Variants in IGSF11 observed in about 807,000 individuals in gnomAD.
IGSF11 encodes immunoglobulin superfamily member 11.
Under a neutral mutation model 41.0 loss-of-function variants are expected in IGSF11, and 22 were observed. The ratio of observed to expected loss-of-function variants is 0.54; its 90% CI spans 0.38 to 0.77. IGSF11 has a LOEUF of 0.77. Among genes scored for constraint, IGSF11 ranks in the 30% least tolerant of loss-of-function variants. The pLI, the probability that IGSF11 is intolerant of heterozygous loss-of-function variation, is 0.00. For synonymous variants in IGSF11, 219 were observed against 201.3 expected (o/e 1.09, Z -0.74); for missense variants, 444 against 530.8 (o/e 0.84, Z 1.61).
chr3:119,046,084 C>A (rs1054462457), intron 1 of IGSF11, among the ~76,000 whole-genome samples: 35 of 151,292 alleles, frequency 2.3e-4, no homozygotes, highest in Non-Finnish European at 4.9e-4. Context: ...AAAATCAGAG[C>A]GCCTCTCCAC....
intron 1 of IGSF11, among the ~76,000 whole-genome samples, chr3:118,978,113 C>T (rs1934322198): frequency 6.6e-6 from 1 of 152,190 alleles, no homozygotes; most frequent in Admixed American, 6.5e-5. Flanking sequence ...ATAGCAGGTC[C>T]ACAACACAGA....
chr3:118,967,215 GGAGA>G (rs1381390333), intron 1 of IGSF11, among the ~76,000 whole-genome samples: 2 of 151,930 alleles, frequency 1.3e-5, no homozygotes, highest in Non-Finnish European at 2.9e-5. Flanking sequence ...ACATATGTAT[GGAGA>G]GAGATATATA....
At chr3:119,076,043 G>T (rs2076492059) in intron 1 of IGSF11, among the ~76,000 whole-genome samples, 1 of 152,122 alleles carries the variant, frequency 6.6e-6, no homozygotes, top group Admixed American at 6.6e-5. Flanking sequence ...AAACAGCATG[G>T]TACTGGTACC....
At chr3:119,038,851 T>C (rs1941008291), upstream of IGSF11, among the ~76,000 whole-genome samples, 1 of 152,188 alleles carries the variant, frequency 6.6e-6, no homozygotes, top group Admixed American at 6.5e-5. Flanking sequence ...TAATTTAAAG[T>C]GCAGTTCAGA....
chr3:119,125,524 G>C (rs1328518304), intron 1 of IGSF11, among the ~76,000 whole-genome samples: 1 of 152,000 alleles, frequency 6.6e-6, no homozygotes, highest in East Asian at 1.9e-4. Flanking sequence ...ACAAGGGCGG[G>C]ACGGTGTATT....
upstream of IGSF11, chr3:119,034,874 C>T: frequency 8.5e-7 from 1 of 1,171,860 alleles, no homozygotes; most frequent in African/African-American, 1.6e-5. Context: ...GTCCGGGGAG[C>T]CACTCCCCCC....
intron 1 of IGSF11, among the ~76,000 whole-genome samples, chr3:119,048,965 T>G: frequency 6.6e-6 from 1 of 152,132 alleles, no homozygotes. Context: ...TGGTAAAAAC[T>G]CTCAATAAAT....
In IGSF11 at chr3:118,902,696, C is replaced by T; in HGVS notation, c.1120G>A (p.Val374Met). The T allele has an allele frequency of 6.2e-7, 1 of 1,614,160 alleles. No homozygotes were observed. Among genetic ancestry groups the T allele is most frequent in the Non-Finnish European group, 8.5e-7 (1 of 1,180,014 alleles). The change falls in exon 7 of 7, where the codon GTG (valine) becomes ATG (methionine). Residue 374 changes from valine (V) to methionine (M), a missense_variant. Physicochemically the swap from Val to Met is conservative, Grantham distance 21 (BLOSUM62 1). This residue lies in a region of IGSF11 where 223 missense variants were observed against 226.2 expected (regional missense o/e 0.99). Transcript: ENST00000393775. ...GGTGATGACCCTCTGTTGGCTGTCA[C>T]TACCAGAGTCTTATGTTGACCCGGG... is the stretch of plus-strand genomic sequence containing the variant. ...LVPGQHKTLV[V>M]TANRGSSPQV...
chr3:119,064,948 A>T (rs778395495), intron 1 of IGSF11, among the ~76,000 whole-genome samples: 1 of 152,150 alleles, frequency 6.6e-6, no homozygotes, highest in African/African-American at 2.4e-5. Flanking sequence ...ATGTACAATC[A>T]TGTCATGTAA....
At chr3:119,000,178 G>A (rs1257584017) in intron 1 of IGSF11, among the ~76,000 whole-genome samples, 1 of 147,682 alleles carries the variant, frequency 6.8e-6, no homozygotes, top group Non-Finnish European at 1.5e-5. Context: ...TCCTTTGCTG[G>A]ATTCTACTCT....
chr3:118,926,873 G>A (rs1164226031), intron 3 of IGSF11, among the ~76,000 whole-genome samples: 1 of 152,136 alleles, frequency 6.6e-6, no homozygotes, highest in Non-Finnish European at 1.5e-5. Context: ...AAGGAAGAAG[G>A]TGGTGATATA....
chr3:119,121,398 C>T (rs1320108428), intron 1 of IGSF11, among the ~76,000 whole-genome samples: 5 of 152,042 alleles, frequency 3.3e-5, no homozygotes, highest in African/African-American at 9.7e-5. Context: ...GAAAATTCTG[C>T]AGCTGAGAAG....
Position 119,143,340 on chromosome 3 carries a change from A to G in IGSF11, c.-14+2473T>C, listed in dbSNP as rs534818650. Among the ~76,000 whole-genome samples the G allele has an allele frequency of 3.3e-5, 5 of 152,338 alleles. No homozygotes were observed. In the East Asian group the frequency reaches 9.6e-4, roughly 29 times the overall value. Reference sequence around the variant, plus strand: ...ATAACACACAAAAAAGTAGAGACAGACATGTATTATATAACAGCAGGGTTT... The same window carrying G: ...ATAACACACAAAAAAGTAGAGACAGGCATGTATTATATAACAGCAGGGTTT... On this transcript the variant is annotated intron_variant, in intron 1 of 7. Coordinates refer to the IGSF11 transcript ENST00000425327.
chr3:119,144,688 T>TA (rs1002524184), intron 1 of IGSF11, among the ~76,000 whole-genome samples: 4 of 151,994 alleles, frequency 2.6e-5, no homozygotes, highest in Non-Finnish European at 2.9e-5. Context: ...CAGCTACATT[T>TA]AAAAAAAAGA....
intron 1 of IGSF11, among the ~76,000 whole-genome samples, chr3:119,033,487 C>A (rs777387353): frequency 1.6e-4 from 25 of 152,184 alleles, no homozygotes; most frequent in Non-Finnish European, 3.4e-4. Context: ...TTAGTTTCTA[C>A]GGAGAAGACA....
At chr3:119,142,101 C>A (rs939546181) in intron 1 of IGSF11, among the ~76,000 whole-genome samples, 10 of 151,916 alleles carry the variant, frequency 6.6e-5, no homozygotes, top group Admixed American at 6.6e-5. Context: ...CGGTGAAACC[C>A]CCTCTCTACT....
chr3:119,021,786 G>C (rs1339862236), intron 1 of IGSF11, among the ~76,000 whole-genome samples: 1 of 152,084 alleles, frequency 6.6e-6, no homozygotes. Context: ...AAAATTTATA[G>C]TCAAGACACA....
At chr3:119,107,769 G>T (rs1207847384), upstream of IGSF11, among the ~76,000 whole-genome samples, 2 of 152,026 alleles carry the variant, frequency 1.3e-5, no homozygotes, top group African/African-American at 4.8e-5. Flanking sequence ...TTTCTATAAG[G>T]TGTAAGGAAG....
intron 1 of IGSF11, among the ~76,000 whole-genome samples, chr3:118,949,854 T>A (rs1007041730): frequency 2.0e-5 from 3 of 152,162 alleles, no homozygotes; most frequent in African/African-American, 7.2e-5. Flanking sequence ...TCCAGGTAGA[T>A]CAAAAAGCCT....
Sources: allele counts gnomAD v4.1 joint callset (sites outside exome capture counted in the v4.1 genomes callset), GRCh38; gene constraint gnomAD v4.1.1; regional missense constraint gnomAD v4.1.1; transcripts MANE v1.5; gene names NCBI Gene and HGNC (gene_info 2026-07-23, HGNC 2026-07-21).